The following EPSTI1 variants were observed in gnomAD, a reference collection of about 807,000 sequenced individuals.
EPSTI1 encodes epithelial-stromal interaction protein 1.
EPSTI1 carries 66 observed loss-of-function variants against 49.9 expected under a neutral mutation model. The observed-to-expected ratio is 1.32, with a 90% CI of 1.08 to 1.62. EPSTI1 has a LOEUF of 1.62. Among genes scored for constraint, EPSTI1 ranks in the 40% most tolerant of loss-of-function variants. The pLI is 0.00. For synonymous variants in EPSTI1, 137 were observed against 130.7 expected, an observed-to-expected ratio of 1.05 and a Z score of -0.33; for missense variants, 394 against 365.5, an observed-to-expected ratio of 1.08 and a Z score of -0.64.
intron 9 of EPSTI1, among the ~76,000 whole-genome samples, chr13:42,898,468 C>T (rs1190582187): frequency 1.3e-5 from 2 of 152,102 alleles, no homozygotes; most frequent in African/African-American, 4.8e-5. Context: ...TATTTAATGA[C>T]TTGATCAGAT....
intron 5 of EPSTI1, among the ~76,000 whole-genome samples, chr13:42,954,881 G>A (rs1418751634): frequency 6.6e-6 from 1 of 152,208 alleles, no homozygotes; most frequent in South Asian, 2.1e-4. Flanking sequence ...GATTTGCCCA[G>A]AAGAGGACCA....
At chr13:42,986,434 C>T (rs191324769) in intron 1 of EPSTI1, among the ~76,000 whole-genome samples, 3 of 152,124 alleles carry the variant, frequency 2.0e-5, no homozygotes, top group South Asian at 4.2e-4. Context: ...ACCAGCTATG[C>T]GATTGGGGGG....
chr13:42,943,168 G>C (rs1330466128), intron 6 of EPSTI1, among the ~76,000 whole-genome samples: 1 of 152,194 alleles, frequency 6.6e-6, no homozygotes, highest in Non-Finnish European at 1.5e-5. Context: ...TAGAAGTGAT[G>C]AAGTTGGCTA....
chr13:42,961,251 A>C (rs2039440622), intron 5 of EPSTI1, among the ~76,000 whole-genome samples: 1 of 152,190 alleles, frequency 6.6e-6, no homozygotes, highest in South Asian at 2.1e-4. Flanking sequence ...AGGTAGGAGC[A>C]GGAGGGGAAA....
intron 10 of EPSTI1, among the ~76,000 whole-genome samples, chr13:42,890,126 T>C (rs183602063): frequency 2.0e-5 from 3 of 152,254 alleles, no homozygotes; most frequent in Admixed American, 2.0e-4. Context: ...CCATATATAC[T>C]TCTTTATCTT....
chr13:42,930,495 A>G (rs2038327331), intron 6 of EPSTI1, among the ~76,000 whole-genome samples: 1 of 152,246 alleles, frequency 6.6e-6, no homozygotes. Flanking sequence ...GAGATAATCT[A>G]TTGGGATACA....
chr13:42,972,566 A>C lies in EPSTI1; in HGVS notation c.189-1896T>G, dbSNP rs372972810. ...CAGTCTAAGACTTTTGACTTAGATC[A>C]GTTTTCTGTCTGCAGCTAACTTTTC... On this transcript the variant is annotated intron_variant, in intron 1 of 10. Transcript: ENST00000313624. 5.2e-5 allele frequency among the ~76,000 whole-genome samples: 8 copies of C among 152,384 alleles called. No individual in the cohort carries two copies. The East Asian group carries it at 1.5e-3, about 29-fold the overall frequency.
chr13:42,985,449 G>A (rs1466907950), intron 1 of EPSTI1, among the ~76,000 whole-genome samples: 1 of 150,628 alleles, frequency 6.6e-6, no homozygotes, highest in Non-Finnish European at 1.5e-5. Context: ...GAGAGTTCTT[G>A]TTATGAGGCA....
intron 7 of EPSTI1, among the ~76,000 whole-genome samples, chr13:42,923,206 G>T (rs2038068572): frequency 6.6e-6 from 1 of 152,200 alleles, no homozygotes; most frequent in South Asian, 2.1e-4. Context: ...ACCACTGAAT[G>T]ATTTGGGGAA....
At chr13:42,972,290 C>T (rs555779697) in intron 1 of EPSTI1, among the ~76,000 whole-genome samples, 8 of 152,126 alleles carry the variant, frequency 5.3e-5, no homozygotes, top group Non-Finnish European at 1.0e-4. Context: ...GGCTTGTCCG[C>T]GAGCTTGAGA....
At chr13:42,895,686 C>A (rs1199181202) in intron 9 of EPSTI1, among the ~76,000 whole-genome samples, 4 of 152,114 alleles carry the variant, frequency 2.6e-5, no homozygotes, top group Non-Finnish European at 5.9e-5. Flanking sequence ...GTTTTGTGGA[C>A]CTTTCTGTGT....
intron 5 of EPSTI1, among the ~76,000 whole-genome samples, chr13:42,956,231 G>A (rs1028277221): frequency 6.6e-5 from 10 of 152,168 alleles, no homozygotes; most frequent in Admixed American, 4.6e-4. Flanking sequence ...GCCAAGAAGC[G>A]GAATAACACT....
chr13:42,937,222 T>TA (rs35996971), intron 6 of EPSTI1, among the ~76,000 whole-genome samples: 99,014 of 151,762 alleles, frequency 0.65, 32,510 homozygotes, highest in East Asian at 0.85. Context: ...ACGTTGTTGC[T>TA]AAAAAAAATG....
intron 5 of EPSTI1, among the ~76,000 whole-genome samples, chr13:42,956,585 AG>A (rs779924216): frequency 1.5e-4 from 23 of 152,176 alleles, no homozygotes; most frequent in Non-Finnish European, 2.8e-4. Context: ...TTTAGCGCAG[AG>A]GAGGTGTCTT....
intron 1 of EPSTI1, among the ~76,000 whole-genome samples, chr13:42,972,289 G>A (rs1003427966): frequency 6.6e-6 from 1 of 152,134 alleles, no homozygotes; most frequent in African/African-American, 2.4e-5. Flanking sequence ...GGGCTTGTCC[G>A]CGAGCTTGAG....
intron 8 of EPSTI1, among the ~76,000 whole-genome samples, chr13:42,913,706 G>A (rs2037750535): frequency 6.6e-6 from 1 of 152,152 alleles, no homozygotes; most frequent in Admixed American, 6.5e-5. Context: ...AGAGAAGCAG[G>A]CAATCAAAAA....
Position 42,992,105 on chromosome 13 carries a change from TCGGG to T in EPSTI1, c.57_60del (p.Thr21GlyfsTer13). 6.2e-7 allele frequency: 1 copy of T among 1,611,678 alleles called. No homozygotes were observed. The highest frequency in any genetic ancestry group is 1.3e-5 in the African/African-American group (1 of 74,966). On this transcript the variant is annotated frameshift_variant, in exon 1 of 11. Coordinates refer to ENST00000313624, the MANE Select transcript of EPSTI1 (RefSeq NM_033255.5). LOFTEE classifies it high-confidence loss of function. ...CCAGAAGGGTCCTGGGGATCCCGGGTCGGGCGGGAGGCAGGGGAGGCGCCGAGCC... is the reference window on the plus strand; with the variant it reads ...CCAGAAGGGTCCTGGGGATCCCGGGTCGGGAGGCAGGGGAGGCGCCGAGCC...
intron 1 of EPSTI1, among the ~76,000 whole-genome samples, chr13:42,973,986 A>C (rs2039821775): frequency 6.6e-6 from 1 of 152,242 alleles, no homozygotes; most frequent in Non-Finnish European, 1.5e-5. Flanking sequence ...ATATGAAAGA[A>C]CAGACAAGAT....
At chr13:42,941,068 G>A (rs192251159) in intron 6 of EPSTI1, among the ~76,000 whole-genome samples, 12 of 151,852 alleles carry the variant, frequency 7.9e-5, no homozygotes, top group Admixed American at 4.6e-4. Flanking sequence ...AAATTTTTAC[G>A]TACTTAAAGC....
Sources: gnomAD v4.1 joint callset for allele counts (sites outside exome capture counted in the v4.1 genomes callset) on GRCh38, gnomAD v4.1.1 for gene constraint, MANE v1.5 for transcripts, NCBI Gene and HGNC (gene_info 2026-07-23, HGNC 2026-07-21) for gene names.